TSHZ2: variants seen among roughly 807,000 people sequenced by gnomAD.
TSHZ2 encodes teashirt zinc finger homeobox 2.
Under a neutral mutation model 74.4 loss-of-function variants are expected in TSHZ2, and 21 were observed. The observed-to-expected ratio is 0.28, with a 90% CI of 0.20 to 0.41. The LOEUF (loss-of-function observed/expected upper bound fraction) is 0.41, where lower values mean the gene tolerates loss of function less well. Among genes scored for constraint, TSHZ2 ranks in the 10% least tolerant of loss-of-function variants. The pLI, the probability that TSHZ2 is intolerant of heterozygous loss-of-function variation, is 1.00. For synonymous variants in TSHZ2, 540 were observed against 515.3 expected, an observed-to-expected ratio of 1.05 and a Z score of -0.65; for missense variants, 1,244 against 1,293.5, an observed-to-expected ratio of 0.96 and a Z score of 0.59.
At position 53,176,694 on chromosome 20, in the gene TSHZ2, T is replaced by C. The variant is rs566833696; in HGVS notation, c.41-76805T>C. On this transcript the variant is annotated intron_variant, in intron 1 of 2. Coordinates refer to ENST00000371497, the MANE Select transcript of TSHZ2 (RefSeq NM_173485.6). ...GTTGTATTTCTTTGTTTCTTTCTTTTTTTTTTTTTTTTAGACGAAGTCTCG... is the reference window on the plus strand; with the variant it reads ...GTTGTATTTCTTTGTTTCTTTCTTTCTTTTTTTTTTTTAGACGAAGTCTCG... 2.7e-3 allele frequency among the ~76,000 whole-genome samples: 400 copies of C among 150,834 alleles called. 1 individual carries two copies. Among genetic ancestry groups the C allele is most frequent in the African/African-American group, 9.1e-3 (376 of 41,158 alleles).
intron 2 of TSHZ2, among the ~76,000 whole-genome samples, chr20:53,308,470 G>A (rs181850258): frequency 4.1e-4 from 63 of 152,144 alleles, no homozygotes; most frequent in East Asian, 1.9e-3. Context: ...ACGTGCAGCC[G>A]GAAAATAAGC....
chr20:53,085,296 C>T (rs1462741155), intron 1 of TSHZ2, among the ~76,000 whole-genome samples: 5 of 151,898 alleles, frequency 3.3e-5, no homozygotes, highest in Admixed American at 1.3e-4. Flanking sequence ...ATCCAGGGGG[C>T]GGAGGTCGCA....
At chr20:53,006,614 C>T (rs1019784744) in intron 1 of TSHZ2, among the ~76,000 whole-genome samples, 1 of 152,222 alleles carries the variant, frequency 6.6e-6, no homozygotes, top group Non-Finnish European at 1.5e-5. Flanking sequence ...TTTGGTTTCT[C>T]AATGGATTCA....
At chr20:53,292,125 A>T (rs1322310706) in intron 2 of TSHZ2, among the ~76,000 whole-genome samples, 1 of 152,164 alleles carries the variant, frequency 6.6e-6, no homozygotes, top group African/African-American at 2.4e-5. Context: ...ACATATAATA[A>T]TCTTAATAAT....
chr20:53,462,748 T>G (rs1213128618), intron 2 of TSHZ2, among the ~76,000 whole-genome samples: 1 of 152,224 alleles, frequency 6.6e-6, no homozygotes, highest in Non-Finnish European at 1.5e-5. Flanking sequence ...TCCATGTTTC[T>G]GCAGTGCACA....
At chr20:53,174,999 T>C (rs1430134894) in intron 1 of TSHZ2, among the ~76,000 whole-genome samples, 1 of 152,114 alleles carries the variant, frequency 6.6e-6, no homozygotes. Context: ...ATTTTACAAA[T>C]GTCTTTCTCT....
chr20:53,383,638 G>T (rs1369502860), intron 2 of TSHZ2, among the ~76,000 whole-genome samples: 1 of 152,088 alleles, frequency 6.6e-6, no homozygotes, highest in Non-Finnish European at 1.5e-5. Context: ...GCCCATGCTT[G>T]TAATCCCAGC....
intron 1 of TSHZ2, among the ~76,000 whole-genome samples, chr20:53,191,263 T>C (rs115403468): frequency 1.3e-3 from 191 of 152,278 alleles, no homozygotes; most frequent in African/African-American, 4.1e-3. Flanking sequence ...CATTATACAG[T>C]GAATATAGGG....
At chr20:53,027,282 C>T (rs2123051351) in intron 1 of TSHZ2, among the ~76,000 whole-genome samples, 2 of 152,152 alleles carry the variant, frequency 1.3e-5, no homozygotes, top group Middle Eastern at 6.8e-3. Flanking sequence ...ATGTACAGTT[C>T]ACATATACAC....
chr20:52,991,785 G>T (rs150993671), intron 1 of TSHZ2, among the ~76,000 whole-genome samples: 2 of 147,920 alleles, frequency 1.4e-5, no homozygotes, highest in Admixed American at 6.6e-5. Flanking sequence ...TGTATGTTGT[G>T]GGTATTAGTG....
At chr20:53,174,695 G>C (rs1988284089) in intron 1 of TSHZ2, among the ~76,000 whole-genome samples, 1 of 152,164 alleles carries the variant, frequency 6.6e-6, no homozygotes, top group Non-Finnish European at 1.5e-5. Flanking sequence ...TCTCCTTTAG[G>C]CTCTGCCTTG....
At chr20:53,344,974 G>T (rs1980379990) in intron 2 of TSHZ2, among the ~76,000 whole-genome samples, 1 of 152,230 alleles carries the variant, frequency 6.6e-6, no homozygotes, top group South Asian at 2.1e-4. Flanking sequence ...AATGCACTGT[G>T]ATTGACAAGT....
intron 2 of TSHZ2, among the ~76,000 whole-genome samples, chr20:53,363,026 A>G (rs909678534): frequency 6.6e-6 from 1 of 152,136 alleles, no homozygotes; most frequent in African/African-American, 2.4e-5. Flanking sequence ...GGATTTAACG[A>G]ATGCCCCAGA....
At position 53,494,145 on chromosome 20, in the gene TSHZ2, G is replaced by T. The variant is rs931220636; in HGVS notation, c.*7010G>T. ...ACTAAAAATACAAAAAACATTAGCA[G>T]GGCATGGTGGTGCGTGCCTGTAGTC... On this transcript the variant is annotated 3_prime_UTR_variant, in exon 3 of 3. Coordinates refer to ENST00000371497, the MANE Select transcript of TSHZ2 (RefSeq NM_173485.6). 6.6e-6 allele frequency: 1 copy of T among 152,174 alleles called. No homozygotes were observed. The highest frequency in any genetic ancestry group is 2.4e-5 in the African/African-American group (1 of 41,398). 9.4% of individuals were successfully genotyped at this position (152,174 alleles called of 1,614,324 possible).
At chr20:53,390,001 A>T (rs1982191805) in intron 2 of TSHZ2, among the ~76,000 whole-genome samples, 1 of 152,224 alleles carries the variant, frequency 6.6e-6, no homozygotes, top group Non-Finnish European at 1.5e-5. Context: ...TGGAATAAGG[A>T]TGTCTCAGGA....
chr20:53,267,906 C>G (rs1990751956), intron 2 of TSHZ2, among the ~76,000 whole-genome samples: 1 of 152,148 alleles, frequency 6.6e-6, no homozygotes, highest in African/African-American at 2.4e-5. Flanking sequence ...AAAACTGGAG[C>G]TTTAAGAGCT....
chr20:53,365,008 C>T (rs1475333077), intron 2 of TSHZ2, among the ~76,000 whole-genome samples: 1 of 152,230 alleles, frequency 6.6e-6, no homozygotes, highest in Non-Finnish European at 1.5e-5. Context: ...CCTCCTGTGC[C>T]AACAGGCAGA....
chr20:53,115,321 G>A (rs13039976), intron 1 of TSHZ2, among the ~76,000 whole-genome samples: 1,964 of 152,292 alleles, frequency 0.013, 17 homozygotes, highest in Non-Finnish European at 0.02. Context: ...GAGGGACTTG[G>A]TGGCAGGTAA....
intron 1 of TSHZ2, among the ~76,000 whole-genome samples, chr20:53,191,070 C>T (rs929125996): frequency 3.3e-5 from 5 of 152,178 alleles, no homozygotes; most frequent in Non-Finnish European, 5.9e-5. Flanking sequence ...TTTCCCAAAA[C>T]GTCCTTGCTG....
Sources: allele counts gnomAD v4.1 joint callset (sites outside exome capture counted in the v4.1 genomes callset), GRCh38; gene constraint gnomAD v4.1.1; transcripts MANE v1.5; gene names NCBI Gene and HGNC (gene_info 2026-07-23, HGNC 2026-07-21).